Variants in GET4 observed in about 807,000 individuals in gnomAD.
The protein encoded by GET4 is guided entry of tail-anchored proteins factor 4.
GET4 carries 20 observed loss-of-function variants against 40.0 expected under a neutral mutation model. The ratio of observed to expected loss-of-function variants is 0.50; its 90% CI spans 0.35 to 0.73. The LOEUF (loss-of-function observed/expected upper bound fraction) is 0.73. Ranked by LOEUF, GET4 falls within the 30% of genes least tolerant of loss-of-function variation. The pLI is 0.01. For missense variants in GET4, 557 were observed against 454.0 expected (o/e 1.23, Z -2.06); for synonymous variants, 280 against 194.6 (o/e 1.44, Z -3.65).
chr7:893,713 G>GA, intron 6 of GET4, 27 bp from the exon 7 acceptor site: 2 of 1,512,416 alleles, frequency 1.3e-6, no homozygotes, highest in Non-Finnish European at 1.8e-6. Flanking sequence ...TGCTCACCCA[G>GA]CACATCCCTG....
chr7:878,995 C>T (rs1452255088), intron 1 of GET4, among the ~76,000 whole-genome samples: 6 of 151,964 alleles, frequency 3.9e-5, no homozygotes, highest in Non-Finnish European at 8.8e-5. Flanking sequence ...CGAGTAGAGT[C>T]CCTCAGGGAC....
At chr7:889,683 C>T (rs1252871193) in intron 4 of GET4, among the ~76,000 whole-genome samples, 3 of 98,190 alleles carry the variant, frequency 3.1e-5, no homozygotes, top group South Asian at 3.8e-4. Flanking sequence ...GGGTCTGGGG[C>T]GAGCGGGTGT....
chr7:895,501 C>T lies in GET4; in HGVS notation c.*79C>T, dbSNP rs1042338415. ...CAGAGGCGAGTCCTGGGTGGCTCCT[C>T]GCCTTGGGGGCTCCTGGCCCTGAGG... On this transcript the variant is annotated 3_prime_UTR_variant, in exon 9 of 9. Coordinates refer to ENST00000265857, the MANE Select transcript of GET4 (RefSeq NM_015949.3). 74 of 707,806 alleles carry T rather than the reference C, an allele frequency of 1.0e-4. No individual in the cohort carries two copies. The highest frequency in any genetic ancestry group is 3.7e-4 in the Admixed American group (15 of 40,778). 43.8% of individuals were successfully genotyped at this position (707,806 alleles called of 1,614,324 possible).
chr7:892,772 TGGG>T (rs1844358046), intron 6 of GET4, among the ~76,000 whole-genome samples: 2 of 140,624 alleles, frequency 1.4e-5, no homozygotes, highest in Admixed American at 7.1e-5. Context: ...CCATGTGGTG[TGGG>T]GGTGTGTAGA....
intron 1 of GET4, 58 bp from the exon 2 acceptor site, chr7:885,998 G>C (rs577616543): frequency 2.0e-6 from 2 of 1,000,952 alleles, no homozygotes; most frequent in Admixed American, 1.7e-5. Flanking sequence ...GAAGATGAGC[G>C]GGGGAGCGCG....
At position 887,654 on chromosome 7, in the gene GET4, T is replaced by C. The variant is rs1844218666; in HGVS notation, c.466+135T>C. Reference sequence around the variant, plus strand: ...CCCTGTGGTCACGCGGGCCGGTCCATGGAGACCCATGCGCCATGCTAAGCC... The same window carrying C: ...CCCTGTGGTCACGCGGGCCGGTCCACGGAGACCCATGCGCCATGCTAAGCC... On this transcript the variant is annotated intron_variant, in intron 4 of 8. Coordinates refer to ENST00000265857, the MANE Select transcript of GET4 (RefSeq NM_015949.3). The C allele has an allele frequency of 4.9e-6, 3 of 607,076 alleles. 1 individual carries two copies. The South Asian group carries it at 1.2e-4, about 24-fold the overall frequency. The allele number at this position is 607,076 out of a possible 1,614,324, so 37.6% of individuals were successfully genotyped here. A position where few individuals can be genotyped will look rare whatever the true frequency, so the allele number is the denominator to read the frequency against.
At position 876,721 on chromosome 7, in the gene GET4, G is replaced by C; in HGVS notation, c.76G>C (p.Val26Leu). The C allele has an allele frequency of 7.3e-7, 1 of 1,377,412 alleles. No homozygotes were observed. Among genetic ancestry groups the C allele is most frequent in the Non-Finnish European group, 9.5e-7 (1 of 1,050,068 alleles). The allele number at this position is 1,377,412 out of a possible 1,614,324, so 85.3% of individuals were successfully genotyped here. A position where few individuals can be genotyped will look rare whatever the true frequency, so the allele number is the denominator to read the frequency against. ...CCGCAACCGCGGCGGCGTCCAGCGT[G>C]TGGAGGGCAAGCTGCGCGCCAGCGT... ...GGRNRGGVQRVEGKLRASVEK... is the reference protein window; with the variant it reads ...GGRNRGGVQRLEGKLRASVEK... Residue 26 changes from valine (V) to leucine (L), a missense_variant, in exon 1 of 9, where the codon GTG becomes CTG. By Grantham distance (32) the Val-to-Leu change is conservative. Transcript: ENST00000265857.
chr7:888,999 C>T (rs113953879), intron 4 of GET4, among the ~76,000 whole-genome samples: 18,221 of 152,298 alleles, frequency 0.12, 1,240 homozygotes, highest in South Asian at 0.24. Context: ...CAGTGGGTGG[C>T]GTGGGACAGG....
chr7:883,570 C>T, intron 1 of GET4: 1 of 984,688 alleles, frequency 1.0e-6, no homozygotes, highest in Non-Finnish European at 1.2e-6. Flanking sequence ...AGCACCAGCG[C>T]TCACTGGCTC....
intron 1 of GET4, chr7:885,754 G>T: frequency 2.6e-6 from 1 of 385,370 alleles, no homozygotes; most frequent in Non-Finnish European, 4.8e-6. Context: ...CTGCCCAGTG[G>T]CCTTTCTGGT....
At chr7:893,864 C>A in intron 7 of GET4, 35 bp from the exon 8 acceptor site, 3 of 1,609,060 alleles carry the variant, frequency 1.9e-6, no homozygotes, top group Non-Finnish European at 2.6e-6. Flanking sequence ...CGGTCTGGGT[C>A]CACCCCCTCT....
Position 886,610 on chromosome 7 carries a change from C to T in GET4, c.276C>T (p.Ser92=). 1.9e-6 allele frequency: 3 copies of T among 1,613,122 alleles called. No homozygotes were observed. The highest frequency in any genetic ancestry group is 2.5e-6 in the Non-Finnish European group (3 of 1,179,668). Residue 92 remains serine (S), a synonymous_variant, in exon 3 of 9, where the codon TCC becomes TCT. Transcript: ENST00000265857. ...AADLSMLVLE[S]LEKAEVEVAD... ...ACTTGTCCATGCTGGTCCTGGAGTC[C>T]CTGGAGAAGGCGGAAGTGGAGGTGG...
chr7:884,653 C>G (rs570411606), intron 1 of GET4: 2 of 203,462 alleles, frequency 9.8e-6, no homozygotes, highest in Non-Finnish European at 2.1e-5. Flanking sequence ...TGAAGAGGAG[C>G]CCTTTTCTGT....
At chr7:877,678 A>C (rs1309427796) in intron 1 of GET4, among the ~76,000 whole-genome samples, 25 of 24,548 alleles carry the variant, frequency 1.0e-3, no homozygotes, top group Admixed American at 1.4e-3. Context: ...TCCCCACCCC[A>C]TATCTCCCTG....
intron 6 of GET4, 77 bp from the exon 7 acceptor site, chr7:893,663 G>T: frequency 1.1e-6 from 1 of 911,180 alleles, no homozygotes; most frequent in Non-Finnish European, 1.8e-6. Context: ...AGTGTTGGGC[G>T]CAGGCGCGGT....
chr7:877,589 G>T (rs10252674), intron 1 of GET4, among the ~76,000 whole-genome samples: 1 of 112,002 alleles, frequency 8.9e-6, no homozygotes, highest in Non-Finnish European at 1.8e-5. Flanking sequence ...CCCTCTCCTA[G>T]CCTCCACCTC....
At chr7:885,675 C>A (rs977458016) in intron 1 of GET4, 3 of 183,612 alleles carry the variant, frequency 1.6e-5, no homozygotes, top group Non-Finnish European at 3.4e-5. Context: ...TCCTTTGGCT[C>A]CTGCCTGTGG....
intron 6 of GET4, 32 bp downstream of exon 6, chr7:892,450 C>T (rs367879461): frequency 6.3e-6 from 10 of 1,578,984 alleles, no homozygotes; most frequent in South Asian, 1.1e-5. Flanking sequence ...GGGGAGGGGG[C>T]TGTGAATGTG....
rs1270711587 is a variant in GET4, at chr7:878,604, C to A, written c.155+1804C>A. ...TTTTTTTTTTTTTGCGACGGAGTCT[C>A]GCTCTGTCCTCTGTCCCAGGCTGGA... is the stretch of plus-strand genomic sequence containing the variant. On this transcript the variant is annotated intron_variant, in intron 1 of 8. Coordinates refer to ENST00000265857, the MANE Select transcript of GET4 (RefSeq NM_015949.3). Among the ~76,000 whole-genome samples the A allele has an allele frequency of 2.1e-5, 3 of 143,486 alleles. No individual in the cohort carries two copies. In the East Asian group the frequency reaches 6.2e-4, roughly 30 times the overall value. The allele number at this position is 143,486 out of a possible 152,430, so 94.1% of individuals were successfully genotyped here.
Sources: allele counts gnomAD v4.1 joint callset (sites outside exome capture counted in the v4.1 genomes callset), GRCh38; gene constraint gnomAD v4.1.1; transcripts MANE v1.5; gene names NCBI Gene and HGNC (gene_info 2026-07-23, HGNC 2026-07-21).